SYNPR: variants seen among roughly 807,000 people sequenced by gnomAD.
SYNPR encodes synaptoporin.
In SYNPR, 23 loss-of-function variants were observed where a neutral mutation model predicts 32.9. That is an observed-to-expected ratio of 0.70 (90% CI 0.50 to 0.99). The LOEUF is 0.99. Ranked by LOEUF, SYNPR falls within the 50% of genes least tolerant of loss-of-function variation. The pLI is 0.00. For missense variants in SYNPR, 318 were observed against 349.3 expected (o/e 0.91, Z 0.71); for synonymous variants, 146 against 135.9 (o/e 1.07, Z -0.52).
intron 2 of SYNPR, among the ~76,000 whole-genome samples, chr3:63,466,929 T>C (rs1320760827): frequency 6.6e-6 from 1 of 152,204 alleles, no homozygotes; most frequent in Non-Finnish European, 1.5e-5. Context: ...AAACACTCAG[T>C]CCAAAACAAG....
the SYNPR span, among the ~76,000 whole-genome samples, chr3:63,204,455 A>G: frequency 6.6e-6 from 1 of 152,198 alleles, no homozygotes; most frequent in East Asian, 1.9e-4. Flanking sequence ...CTACTCCAGC[A>G]TGATCTCATC....
rs114924457 is a variant in SYNPR at position 63,314,879 on chromosome 3, T to A, written c.84+36137T>A. Among the ~76,000 whole-genome samples, 340 of 152,022 alleles carry A rather than the reference T, an allele frequency of 2.2e-3. 3 individuals are homozygous for A. Among genetic ancestry groups the A allele is most frequent in the African/African-American group, 7.6e-3 (315 of 41,516 alleles). ...TCAGGTCTTAGGTTTGAGTCCTAAATCATCTAAATCCAGCTTGAGTTGATT... is the reference window on the plus strand; with the variant it reads ...TCAGGTCTTAGGTTTGAGTCCTAAAACATCTAAATCCAGCTTGAGTTGATT... On this transcript the variant is annotated intron_variant, in intron 2 of 5. Transcript: ENST00000478300.
At chr3:63,313,309 C>T (rs2086988721) in intron 2 of SYNPR, among the ~76,000 whole-genome samples, 1 of 151,628 alleles carries the variant, frequency 6.6e-6, no homozygotes, top group African/African-American at 2.4e-5. Context: ...TTTTGGTGCA[C>T]CCTTCACTCG....
chr3:63,523,746 C>A (rs1701954500), intron 3 of SYNPR, among the ~76,000 whole-genome samples: 1 of 152,096 alleles, frequency 6.6e-6, no homozygotes, highest in African/African-American at 2.4e-5. Flanking sequence ...GTTTGTTTTG[C>A]ATGTCGAGTC....
intron 3 of SYNPR, among the ~76,000 whole-genome samples, chr3:63,514,663 TA>T (rs1188569149): frequency 6.6e-6 from 1 of 152,096 alleles, no homozygotes; most frequent in East Asian, 1.9e-4. Context: ...CCATTTGGAG[TA>T]AGTAATAAAG....
intron 2 of SYNPR, among the ~76,000 whole-genome samples, chr3:63,410,791 G>A (rs1318406854): frequency 1.3e-5 from 2 of 152,218 alleles, no homozygotes; most frequent in South Asian, 4.1e-4. Flanking sequence ...GCTTACACTG[G>A]TATCTACTTA....
intron 2 of SYNPR, among the ~76,000 whole-genome samples, chr3:63,419,542 T>C (rs565752693): frequency 2.0e-5 from 3 of 152,196 alleles, no homozygotes; most frequent in Non-Finnish European, 4.4e-5. Flanking sequence ...TAAAGTTTTT[T>C]ATTTTTTTTC....
rs530138119 is a variant in SYNPR at position 63,504,849 on chromosome 3, C to A, written c.209+23893C>A. On this transcript the variant is annotated intron_variant, in intron 3 of 5. Coordinates refer to ENST00000478300, the MANE Select transcript of SYNPR (RefSeq NM_001130003.2). ...GAATTTCCAAATGTCAGACTTATTA[C>A]CCTTAAATGCATTAGCCACGGTAGG... 1.1e-3 allele frequency among the ~76,000 whole-genome samples: 166 copies of A among 151,958 alleles called. 2 individuals carry two copies. The highest frequency in any genetic ancestry group is 1.2e-3 in the Non-Finnish European group (80 of 68,004).
chr3:63,411,645 C>T (rs890123694), intron 2 of SYNPR, among the ~76,000 whole-genome samples: 1 of 151,940 alleles, frequency 6.6e-6, no homozygotes, highest in Non-Finnish European at 1.5e-5. Flanking sequence ...GAAGAGTATT[C>T]CAGGAGACAT....
intron 1 of SYNPR, among the ~76,000 whole-genome samples, chr3:63,235,954 C>T (rs2086197614): frequency 6.6e-6 from 1 of 151,804 alleles, no homozygotes; most frequent in Non-Finnish European, 1.5e-5. Context: ...GCCCTGGATA[C>T]TGAAGATTTT....
intron 3 of SYNPR, among the ~76,000 whole-genome samples, chr3:63,500,333 C>G (rs1701455843): frequency 6.6e-6 from 1 of 152,080 alleles, no homozygotes; most frequent in Non-Finnish European, 1.5e-5. Flanking sequence ...GAAACACTGT[C>G]CTAGAGAAAA....
intron 2 of SYNPR, among the ~76,000 whole-genome samples, chr3:63,442,417 C>T (rs1372572388): frequency 1.3e-5 from 2 of 152,182 alleles, no homozygotes. Context: ...GGCACACAGA[C>T]TTCCTCTCCC....
At chr3:63,346,706 C>T (rs985723745) in intron 2 of SYNPR, among the ~76,000 whole-genome samples, 2 of 152,012 alleles carry the variant, frequency 1.3e-5, no homozygotes, top group African/African-American at 2.4e-5. Flanking sequence ...CTCCTGACCT[C>T]GTGATCCACC....
At chr3:63,486,415 G>T (rs556088483) in intron 3 of SYNPR, among the ~76,000 whole-genome samples, 1 of 152,110 alleles carries the variant, frequency 6.6e-6, no homozygotes, top group Non-Finnish European at 1.5e-5. Context: ...TTTCCCAGAG[G>T]CACCAGCAGG....
At chr3:63,554,073 G>A (rs1702553581) in intron 3 of SYNPR, among the ~76,000 whole-genome samples, 1 of 152,096 alleles carries the variant, frequency 6.6e-6, no homozygotes, top group South Asian at 2.1e-4. Flanking sequence ...TTTAGTGGGG[G>A]CTGTTCATTT....
upstream of SYNPR, among the ~76,000 whole-genome samples, chr3:63,226,075 A>G (rs1230613772): frequency 3.9e-5 from 6 of 152,226 alleles, no homozygotes; most frequent in Non-Finnish European, 8.8e-5. Flanking sequence ...AAGACATACA[A>G]ATGGCCAACG....
In SYNPR at chr3:63,558,637, T is replaced by A. The variant is rs558749102; in HGVS notation, c.408+1896T>A. 3.4e-4 allele frequency among the ~76,000 whole-genome samples: 52 copies of A among 152,256 alleles called. 1 individual carries two copies. Among genetic ancestry groups the A allele is most frequent in the Admixed American group, 2.6e-4 (4 of 15,292 alleles). ...ACAGGCATAAGCCACTCTACCTGGC[T>A]ATTTTTAAAATTTAATAATTACATA... On this transcript the variant is annotated intron_variant, in intron 4 of 5. Coordinates refer to ENST00000478300, the MANE Select transcript of SYNPR (RefSeq NM_001130003.2).
intron 3 of SYNPR, among the ~76,000 whole-genome samples, chr3:63,522,818 C>T (rs377307702): frequency 6.6e-5 from 10 of 152,106 alleles, no homozygotes; most frequent in African/African-American, 2.2e-4. Flanking sequence ...GAGGTCTGAG[C>T]GGAGGCAGAG....
intron 2 of SYNPR, among the ~76,000 whole-genome samples, chr3:63,405,029 A>G (rs1333225798): frequency 6.6e-6 from 1 of 152,046 alleles, no homozygotes; most frequent in Non-Finnish European, 1.5e-5. Context: ...ACTGTGTGTC[A>G]TATATGATGA....
Sources: allele counts gnomAD v4.1 joint callset (sites outside exome capture counted in the v4.1 genomes callset), GRCh38; gene constraint gnomAD v4.1.1; transcripts MANE v1.5; gene names NCBI Gene and HGNC (gene_info 2026-07-23, HGNC 2026-07-21).